Variants in PACS1 observed in about 807,000 individuals in gnomAD.
PACS1 encodes PACS-1.
A neutral mutation model predicts 115.0 loss-of-function variants in PACS1; 24 were observed. The ratio of observed to expected loss-of-function variants is 0.21; its 90% CI spans 0.15 to 0.29. PACS1 has a LOEUF of 0.29. Ranked by LOEUF, PACS1 falls within the 10% of genes least tolerant of loss-of-function variation. The probability of loss-of-function intolerance (pLI) is 1.00; values close to 1 mark genes in which losing one functional copy is unlikely to be tolerated. For missense variants in PACS1, 838 were observed against 1,251.2 expected, an observed-to-expected ratio of 0.67 and a Z score of 4.98; for synonymous variants, 453 against 504.5, an observed-to-expected ratio of 0.90 and a Z score of 1.37.
chr11:66,192,003 A>G (rs1182818891), intron 1 of PACS1, among the ~76,000 whole-genome samples: 5 of 152,038 alleles, frequency 3.3e-5, no homozygotes, highest in Non-Finnish European at 7.4e-5. Context: ...AGCCTGGGAG[A>G]CAGAGTGAGA....
intron 1 of PACS1, among the ~76,000 whole-genome samples, chr11:66,145,329 C>T (rs192127293): frequency 7.2e-4 from 109 of 152,250 alleles, no homozygotes; most frequent in Admixed American, 1.1e-3. Flanking sequence ...AAACTAACAG[C>T]TTGGCTGCCA....
chr11:66,115,590 G>C (rs79130866), intron 1 of PACS1, among the ~76,000 whole-genome samples: 61 of 152,350 alleles, frequency 4.0e-4, no homozygotes, highest in African/African-American at 1.5e-3. Flanking sequence ...CCCACATGAG[G>C]TAAGTATATT....
chr11:66,162,585 C>G (rs1368937080), intron 1 of PACS1, among the ~76,000 whole-genome samples: 1 of 152,172 alleles, frequency 6.6e-6, no homozygotes, highest in Non-Finnish European at 1.5e-5. Context: ...TCCCTTAGAG[C>G]CTTTACAGGC....
intron 7 of PACS1, chr11:66,219,500 CA>C: frequency 1.6e-6 from 1 of 643,150 alleles, no homozygotes; most frequent in Non-Finnish European, 2.9e-6. Flanking sequence ...TGTTGGGGCA[CA>C]GGGGGGTGGA....
chr11:66,149,355 G>GT (rs1205014006), intron 1 of PACS1, among the ~76,000 whole-genome samples: 2 of 151,954 alleles, frequency 1.3e-5, no homozygotes, highest in East Asian at 3.9e-4. Flanking sequence ...GCCTCCCAAA[G>GT]TGCTGGGATT....
chr11:66,153,096 TC>T (rs1344453345), intron 1 of PACS1, among the ~76,000 whole-genome samples: 1 of 152,162 alleles, frequency 6.6e-6, no homozygotes, highest in East Asian at 1.9e-4. Context: ...ATGATTTTTT[TC>T]CTTCTCTAAT....
chr11:66,232,097 GCACC>G, intron 13 of PACS1, 71 bp from the exon 14 acceptor site: 3 of 873,110 alleles, frequency 3.4e-6, no homozygotes, highest in Non-Finnish European at 3.9e-6. Flanking sequence ...GACTCCCCAT[GCACC>G]AGTCCAGCAG....
At chr11:66,076,112 C>A (rs941845974) in intron 1 of PACS1, among the ~76,000 whole-genome samples, 3 of 152,196 alleles carry the variant, frequency 2.0e-5, no homozygotes, top group Non-Finnish European at 4.4e-5. Context: ...AATAGAATAT[C>A]ATCTCTATCA....
At position 66,193,536 on chromosome 11, in the gene PACS1, A is replaced by G. The variant is rs1285745631; in HGVS notation, c.407A>G (p.Lys136Arg). Reference protein sequence around the residue: ...KKLVMLKEMDKDLNSVVIAVK... With the variant: ...KKLVMLKEMDRDLNSVVIAVK... ...CTCGTCATGCTAAAAGAAATGGACA[A>G]AGATCTTAACTCAGTGGTCATCGCT... Residue 136 changes from lysine (K) to arginine (R), a missense_variant, in exon 2 of 24, where the codon AAA becomes AGA. By Grantham distance (26) the Lys-to-Arg change is conservative. Coordinates refer to ENST00000320580, the MANE Select transcript of PACS1 (RefSeq NM_018026.4). 2 of 1,613,834 alleles carry G rather than the reference A, an allele frequency of 1.2e-6. No individual in the cohort carries two copies. Among genetic ancestry groups the G allele is most frequent in the African/African-American group, 1.3e-5 (1 of 74,918 alleles).
At chr11:66,228,505 A>C (rs1855512002) in intron 11 of PACS1, among the ~76,000 whole-genome samples, 1 of 152,194 alleles carries the variant, frequency 6.6e-6, no homozygotes, top group African/African-American at 2.4e-5. Context: ...CCGTGGCCCC[A>C]CTGTAGTCCG....
At chr11:66,161,793 A>C (rs969208473) in intron 1 of PACS1, among the ~76,000 whole-genome samples, 2 of 152,156 alleles carry the variant, frequency 1.3e-5, no homozygotes, top group Non-Finnish European at 2.9e-5. Context: ...TGATTTGCAA[A>C]ACAGATAAAT....
In PACS1 at chr11:66,174,290, T is replaced by C. The variant is rs189250760; in HGVS notation, c.357-19196T>C. ...ACAATAATAAATGGTGGTGAGGATA[T>C]AGAGAAACAAGAACCCTCATACATT... On this transcript the variant is annotated intron_variant, in intron 1 of 23. Transcript: ENST00000320580. 1.7e-4 allele frequency among the ~76,000 whole-genome samples: 26 copies of C among 152,240 alleles called. 1 individual carries two copies. The highest frequency in any genetic ancestry group is 1.6e-3 in the Admixed American group (24 of 15,296).
chr11:66,088,166 ATATT>A lies in PACS1; in HGVS notation c.356+17346_356+17349del, dbSNP rs556579217. Among the ~76,000 whole-genome samples, 1,257 of 151,372 alleles carry A rather than the reference ATATT, an allele frequency of 8.3e-3. 14 individuals carry two copies. Among genetic ancestry groups the A allele is most frequent in the African/African-American group, 0.028 (1,142 of 41,322 alleles). Reference sequence around the variant, plus strand: ...TCTGTGTGTTCCTTTTTTACTCTTTATATTTATTTATTTATTTATTTATTTTTAT... The same window carrying A: ...TCTGTGTGTTCCTTTTTTACTCTTTATATTTATTTATTTATTTATTTTTAT... On this transcript the variant is annotated intron_variant, in intron 1 of 23. Coordinates refer to ENST00000320580, the MANE Select transcript of PACS1 (RefSeq NM_018026.4).
intron 10 of PACS1, among the ~76,000 whole-genome samples, chr11:66,226,153 T>C (rs1160825798): frequency 6.6e-6 from 1 of 152,188 alleles, no homozygotes; most frequent in South Asian, 2.1e-4. Context: ...GCCTGGGCAA[T>C]AGAGTGAGAT....
At chr11:66,238,060 G>A (rs1245608329) in intron 19 of PACS1, 105 of 985,258 alleles carry the variant, frequency 1.1e-4, no homozygotes, top group Non-Finnish European at 1.2e-4. Context: ...TCAGACCACA[G>A]CCTGGATGCT....
At position 66,232,143 on chromosome 11, in the gene PACS1, A is replaced by T. The variant is rs75483534; in HGVS notation, c.1627-29A>T. Reference sequence around the variant, plus strand: ...CCTCAGGCTCCCCAGGGACTCCCTAACAAGAGACACTTTCTTTTGTTCCTG... The same window carrying T: ...CCTCAGGCTCCCCAGGGACTCCCTATCAAGAGACACTTTCTTTTGTTCCTG... On this transcript the variant is annotated intron_variant, in intron 13 of 23. Coordinates refer to ENST00000320580, the MANE Select transcript of PACS1 (RefSeq NM_018026.4). The T allele has an allele frequency of 3.9e-3, 5,842 of 1,494,004 alleles. 220 individuals carry two copies. The African/African-American group carries it at 0.072, about 18-fold the overall frequency. 92.5% of individuals were successfully genotyped at this position (1,494,004 alleles called of 1,614,324 possible).
chr11:66,201,631 A>G (rs938698633), intron 2 of PACS1, among the ~76,000 whole-genome samples: 12 of 151,942 alleles, frequency 7.9e-5, no homozygotes, highest in Non-Finnish European at 1.8e-4. Flanking sequence ...TGAAAAAAAA[A>G]AGTCAACAAA....
intron 1 of PACS1, among the ~76,000 whole-genome samples, chr11:66,166,089 A>C (rs559098865): frequency 5.3e-5 from 8 of 152,192 alleles, no homozygotes; most frequent in South Asian, 2.1e-4. Flanking sequence ...AAACAAAATA[A>C]AGGTCCCTAC....
chr11:66,095,499 C>A (rs993970128), intron 1 of PACS1, among the ~76,000 whole-genome samples: 6 of 152,298 alleles, frequency 3.9e-5, no homozygotes, highest in Middle Eastern at 3.4e-3. Flanking sequence ...ACTCTGTTGC[C>A]CAGTCTGGAG....
Sources: gnomAD v4.1 joint callset for allele counts (sites outside exome capture counted in the v4.1 genomes callset) on GRCh38, gnomAD v4.1.1 for gene constraint, MANE v1.5 for transcripts, NCBI Gene and HGNC (gene_info 2026-07-23, HGNC 2026-07-21) for gene names.